Variants in COG3 observed in about 807,000 individuals in gnomAD.
COG3 encodes the protein component of oligomeric golgi complex 3.
COG3 carries 32 observed loss-of-function variants against 114.1 expected under a neutral mutation model. The observed-to-expected ratio is 0.28, with a 90% CI of 0.21 to 0.38. The LOEUF (loss-of-function observed/expected upper bound fraction) is 0.38. Ranked by LOEUF, COG3 falls within the 10% of genes least tolerant of loss-of-function variation. The pLI is 1.00. For missense variants in COG3, 813 were observed against 973.2 expected, an observed-to-expected ratio of 0.84 and a Z score of 2.19; for synonymous variants, 352 against 365.7, an observed-to-expected ratio of 0.96 and a Z score of 0.43.
chr13:45,518,840 T>G lies in COG3; in HGVS notation c.2009T>G (p.Phe670Cys). The G allele has an allele frequency of 6.2e-7, 1 of 1,613,610 alleles. No individual in the cohort carries two copies. The highest frequency in any genetic ancestry group is 8.5e-7 in the Non-Finnish European group (1 of 1,179,536). Residue 670 changes from phenylalanine (F) to cysteine (C), a missense_variant, in exon 18 of 23, where the codon TTC (phenylalanine) becomes TGC (cysteine). Physicochemically the swap from Phe to Cys is radical, Grantham distance 205. Coordinates refer to ENST00000349995, the MANE Select transcript of COG3 (RefSeq NM_031431.4). ...RLNSNNALIE[F>C]LLEGTPEIRE... The stretch of plus-strand genomic sequence containing the variant: ...AATAGCAACAATGCCTTGATAGAGT[T>G]CTTGTTGGAGGTGAGAAGGAGTCTG...
At chr13:45,480,711 G>A (rs755420314) in intron 4 of COG3, among the ~76,000 whole-genome samples, 7 of 152,070 alleles carry the variant, frequency 4.6e-5, no homozygotes, top group Non-Finnish European at 8.8e-5. Flanking sequence ...GATTACAGGC[G>A]TGTGCCACCA....
chr13:45,478,121 C>T (rs1415766903), intron 2 of COG3, among the ~76,000 whole-genome samples: 1 of 151,716 alleles, frequency 6.6e-6, no homozygotes, highest in Non-Finnish European at 1.5e-5. Context: ...ATGTTTAATA[C>T]TCTTCCTTAA....
intron 19 of COG3, among the ~76,000 whole-genome samples, chr13:45,521,061 A>G (rs533271825): frequency 1.3e-5 from 2 of 152,226 alleles, no homozygotes; most frequent in Non-Finnish European, 2.9e-5. Flanking sequence ...ACACGTGCCC[A>G]TAGTCTTAGC....
At chr13:45,474,272 C>G (rs1181615687) in intron 1 of COG3, among the ~76,000 whole-genome samples, 1 of 150,784 alleles carries the variant, frequency 6.6e-6, no homozygotes, top group Non-Finnish European at 1.5e-5. Context: ...ATTCTCCTGC[C>G]TCAGCCTCCC....
At chr13:45,499,191 C>T (rs931809266) in intron 13 of COG3, among the ~76,000 whole-genome samples, 5 of 152,056 alleles carry the variant, frequency 3.3e-5, no homozygotes, top group East Asian at 1.9e-4. Context: ...TCCCATATCT[C>T]GTATTCATGT....
In COG3 at chr13:45,480,161, G is replaced by A; in HGVS notation, c.420G>A (p.Gln140=). The A allele has an allele frequency of 6.2e-7, 1 of 1,613,398 alleles. No homozygotes were observed. The highest frequency in any genetic ancestry group is 8.5e-7 in the Non-Finnish European group (1 of 1,179,558). Residue 140 remains glutamine, a synonymous_variant, in exon 4 of 23, where the codon CAG becomes CAA. Coordinates refer to ENST00000349995, the MANE Select transcript of COG3 (RefSeq NM_031431.4). ...ATTACTTGTCTGGGTTTCAGGAGCA[G>A]TGTGATGCTATATTGAATGATGTAA... The part of the protein sequence containing the change: ...MRDYLSGFQE[Q]CDAILNDVNS...
intron 13 of COG3, among the ~76,000 whole-genome samples, chr13:45,496,775 G>A (rs1044737465): frequency 7.9e-5 from 12 of 152,030 alleles, no homozygotes; most frequent in African/African-American, 1.7e-4. Context: ...ACGGGTTCGC[G>A]CCATTCTCCT....
chr13:45,467,221 A>G (rs3887905), intron 1 of COG3, among the ~76,000 whole-genome samples: 97,089 of 152,144 alleles, frequency 0.64, 31,723 homozygotes, highest in African/African-American at 0.77. Context: ...TCATGGGTAG[A>G]GGATGAGCTT....
rs542715439 is a variant in COG3, at chr13:45,487,905, A to G, written c.924+1330A>G. The stretch of plus-strand genomic sequence containing the variant: ...TGGGTATTTATCCAAAGGCAAGGAA[A>G]TCAGTATATCAAAGGGATACCTGTG... On this transcript the variant is annotated intron_variant, in intron 8 of 22. Transcript: ENST00000349995. 1.5e-4 allele frequency among the ~76,000 whole-genome samples: 23 copies of G among 152,356 alleles called. No individual in the cohort carries two copies. In the South Asian group the frequency reaches 4.8e-3, roughly 32 times the overall value.
chr13:45,489,682 T>G (rs964644476), intron 8 of COG3, among the ~76,000 whole-genome samples: 12 of 152,102 alleles, frequency 7.9e-5, no homozygotes, highest in African/African-American at 2.9e-4. Context: ...ATGACAAAAC[T>G]AGACAGAAAA....
intron 13 of COG3, among the ~76,000 whole-genome samples, chr13:45,500,110 A>G (rs61953521): frequency 0.34 from 43,278 of 127,868 alleles, 7,525 homozygotes; most frequent in Admixed American, 0.45. Context: ...ATATATATAT[A>G]TATATAAAAA....
chr13:45,530,954 ATAGT>A (rs1873119461), intron 22 of COG3, 174 bp downstream of exon 22: 3 of 983,174 alleles, frequency 3.1e-6, no homozygotes, highest in Non-Finnish European at 3.6e-6. Flanking sequence ...CTTTTGGGGG[ATAGT>A]TTTAGAATTT....
At chr13:45,533,767 T>C (rs2137938724) in intron 22 of COG3, among the ~76,000 whole-genome samples, 1 of 152,368 alleles carries the variant, frequency 6.6e-6, no homozygotes, top group Admixed American at 6.5e-5. Flanking sequence ...ACAGCCTTTC[T>C]TGACCTTGAC....
In COG3 at chr13:45,503,344, A is replaced by G; in HGVS notation, c.1589A>G (p.Lys530Arg). 1 of 1,534,040 alleles carries G rather than the reference A, an allele frequency of 6.5e-7. No individual in the cohort carries two copies. Among genetic ancestry groups the G allele is most frequent in the Non-Finnish European group, 9.0e-7 (1 of 1,107,348 alleles). ...GAAGGAGAGTCTAACAGTCTGACAAAATCTGGTATGTTATGATGTCTTAAC... is the reference window on the plus strand; with the variant it reads ...GAAGGAGAGTCTAACAGTCTGACAAGATCTGGTATGTTATGATGTCTTAAC... ...LEEGESNSLT[K>R]SGSTESLNPR... The change falls in exon 14 of 23, where the codon AAA becomes AGA. Residue 530 changes from lysine (K) to arginine (R), a missense_variant. By Grantham distance (26) the Lys-to-Arg change is conservative (BLOSUM62 2). Coordinates refer to ENST00000349995, the MANE Select transcript of COG3 (RefSeq NM_031431.4).
At chr13:45,517,109 T>TA (rs1258127321) in intron 17 of COG3, among the ~76,000 whole-genome samples, 1 of 152,214 alleles carries the variant, frequency 6.6e-6, no homozygotes, top group Non-Finnish European at 1.5e-5. Flanking sequence ...CTTAATTACT[T>TA]ACAAATTTAT....
Position 45,483,122 on chromosome 13 carries a change from T to C in COG3, c.718-108T>C, listed in dbSNP as rs923136496. On this transcript the variant is annotated intron_variant, in intron 6 of 22. Transcript: ENST00000349995. ...GTTTATGATCTTTATGAAACCTGTT[T>C]TTGAACTTTATATATTGCTTTACAT... The C allele has an allele frequency of 2.3e-5, 16 of 698,606 alleles. No homozygotes were observed. The African/African-American group carries it at 2.7e-4, about 12-fold the overall frequency. The allele number at this position is 698,606 out of a possible 1,614,324, so 43.3% of individuals were successfully genotyped here. A position where few individuals can be genotyped will look rare whatever the true frequency, so the allele number is the denominator to read the frequency against.
intron 21 of COG3, among the ~76,000 whole-genome samples, chr13:45,530,457 G>A (rs1006430095): frequency 6.6e-6 from 1 of 152,162 alleles, no homozygotes; most frequent in Non-Finnish European, 1.5e-5. Context: ...TCTCTGGGGG[G>A]ACAAGGCTCG....
At chr13:45,485,435 C>T (rs544695493) in intron 7 of COG3, among the ~76,000 whole-genome samples, 1 of 658 alleles carries the variant, frequency 1.5e-3, no homozygotes, top group African/African-American at 6.3e-3. Flanking sequence ...CCCTCCCGGA[C>T]GGGGTGGCTG....
intron 2 of COG3, among the ~76,000 whole-genome samples, chr13:45,476,938 A>G (rs1048225667): frequency 6.6e-6 from 1 of 152,202 alleles, no homozygotes; most frequent in African/African-American, 2.4e-5. Flanking sequence ...GATTACATAT[A>G]TAGTAAGTTG....
Sources: gnomAD v4.1 joint callset for allele counts (sites outside exome capture counted in the v4.1 genomes callset) on GRCh38, gnomAD v4.1.1 for gene constraint, MANE v1.5 for transcripts, NCBI Gene and HGNC (gene_info 2026-07-23, HGNC 2026-07-21) for gene names.